ALK: variants seen among roughly 807,000 people sequenced by gnomAD.
ALK encodes the protein ALK receptor tyrosine kinase.
ALK carries 74 observed loss-of-function variants against 163.1 expected under a neutral mutation model. The ratio of observed to expected loss-of-function variants is 0.45; its 90% CI spans 0.38 to 0.55. The LOEUF is 0.55. Among genes scored for constraint, ALK ranks in the 20% least tolerant of loss-of-function variants. The pLI is 0.00. For missense variants in ALK, 2,063 were observed against 2,105.3 expected (o/e 0.98, Z 0.39); for synonymous variants, 960 against 843.2 (o/e 1.14, Z -2.40).
chr2:29,871,357 A>C (rs916696185), intron 1 of ALK, among the ~76,000 whole-genome samples: 19 of 152,182 alleles, frequency 1.2e-4, no homozygotes, highest in Admixed American at 3.3e-4. Context: ...ATCCTACTGG[A>C]CGGAATGTCC....
intron 3 of ALK, among the ~76,000 whole-genome samples, chr2:29,568,034 T>C (rs1674245197): frequency 6.6e-6 from 1 of 152,134 alleles, no homozygotes; most frequent in Admixed American, 6.5e-5. Context: ...TGCAGACAGT[T>C]TGGGTGAGAC....
chr2:29,488,617 G>A (rs56211504), intron 4 of ALK, among the ~76,000 whole-genome samples: 49,875 of 152,046 alleles, frequency 0.33, 9,852 homozygotes, highest in Non-Finnish European at 0.45. Flanking sequence ...GAAAAATGAT[G>A]TGTAGCATTC....
chr2:29,670,658 A>T lies in ALK; in HGVS notation c.952+24192T>A, dbSNP rs577214900. 2.0e-5 allele frequency among the ~76,000 whole-genome samples: 3 copies of T among 152,076 alleles called. No individual in the cohort carries two copies. In the East Asian group the frequency reaches 5.8e-4, roughly 29 times the overall value. On this transcript the variant is annotated intron_variant, in intron 3 of 28. Transcript: ENST00000389048. The stretch of plus-strand genomic sequence containing the variant: ...TAATTCTTAGATTTGGTCTTTGGAG[A>T]TAATTTTCTATATCTTACAGGCAAT...
chr2:29,583,045 T>TTTTTTG (rs994208295), intron 3 of ALK, among the ~76,000 whole-genome samples: 3 of 150,030 alleles, frequency 2.0e-5, no homozygotes, highest in Non-Finnish European at 3.0e-5. Flanking sequence ...GTTTTTTGTT[T>TTTTTTG]TTTTGTTTTT....
chr2:29,898,730 A>G (rs986576238), intron 1 of ALK, among the ~76,000 whole-genome samples: 1 of 152,192 alleles, frequency 6.6e-6, no homozygotes, highest in Non-Finnish European at 1.5e-5. Flanking sequence ...CTTTGGGTGT[A>G]CCCATTACAA....
At chr2:29,878,058 T>C (rs935281907) in intron 1 of ALK, among the ~76,000 whole-genome samples, 3 of 152,160 alleles carry the variant, frequency 2.0e-5, no homozygotes, top group South Asian at 2.1e-4. Context: ...GAGTAGAACA[T>C]TGTTTGATAA....
At chr2:29,257,126 A>G (rs184039606) in intron 11 of ALK, among the ~76,000 whole-genome samples, 9 of 152,200 alleles carry the variant, frequency 5.9e-5, no homozygotes, top group Non-Finnish European at 1.0e-4. Context: ...GAGCTGTAGG[A>G]TGATCAAATG....
intron 4 of ALK, among the ~76,000 whole-genome samples, chr2:29,444,397 G>T (rs989422395): frequency 4.6e-5 from 7 of 152,172 alleles, no homozygotes; most frequent in Non-Finnish European, 7.3e-5. Context: ...ATCATGAAAT[G>T]TTGGGAGCTA....
chr2:29,532,742 G>A (rs549176016), intron 3 of ALK, among the ~76,000 whole-genome samples: 1 of 152,264 alleles, frequency 6.6e-6, no homozygotes, highest in South Asian at 2.1e-4. Flanking sequence ...ACATTCATGG[G>A]GATTACTGTC....
chr2:29,483,234 A>T (rs1204661875), intron 4 of ALK, among the ~76,000 whole-genome samples: 2 of 152,242 alleles, frequency 1.3e-5, no homozygotes, highest in African/African-American at 4.8e-5. Flanking sequence ...CAATGGTGTT[A>T]AACCCTGTCT....
intron 11 of ALK, among the ~76,000 whole-genome samples, chr2:29,274,125 A>G (rs1001647600): frequency 2.6e-5 from 4 of 152,248 alleles, no homozygotes; most frequent in Non-Finnish European, 5.9e-5. Flanking sequence ...GCCCTGGGGC[A>G]GCTTTTCATG....
chr2:29,526,555 G>A (rs898967086), intron 4 of ALK, among the ~76,000 whole-genome samples: 2 of 152,188 alleles, frequency 1.3e-5, no homozygotes, highest in East Asian at 1.9e-4. Flanking sequence ...GACCATGGGG[G>A]AAAAGAGAGA....
At chr2:29,293,195 C>A (rs569074062) in intron 9 of ALK, among the ~76,000 whole-genome samples, 49 of 152,316 alleles carry the variant, frequency 3.2e-4, no homozygotes, top group African/African-American at 1.1e-3. Flanking sequence ...GCAATCATAT[C>A]TGTTTTGTCG....
chr2:29,350,926 A>T (rs1668093706), intron 5 of ALK, among the ~76,000 whole-genome samples: 1 of 152,156 alleles, frequency 6.6e-6, no homozygotes, highest in Admixed American at 6.5e-5. Context: ...TGGTTCTGGG[A>T]ACTGTTTTTG....
At chr2:29,643,638 T>C (rs1676784471) in intron 3 of ALK, among the ~76,000 whole-genome samples, 1 of 152,142 alleles carries the variant, frequency 6.6e-6, no homozygotes, top group Admixed American at 6.5e-5. Context: ...TTTATAACTG[T>C]GGCTCTGTCT....
chr2:29,588,047 G>A (rs1341890208), intron 3 of ALK, among the ~76,000 whole-genome samples: 5 of 152,046 alleles, frequency 3.3e-5, no homozygotes, highest in Non-Finnish European at 7.4e-5. Flanking sequence ...CCCCATCCTG[G>A]ACAGATTTAC....
chr2:29,518,307 C>A (rs570488950), intron 4 of ALK, among the ~76,000 whole-genome samples: 2 of 152,280 alleles, frequency 1.3e-5, no homozygotes, highest in East Asian at 1.9e-4. Flanking sequence ...GCAAAGCTGG[C>A]AGGCTACAGG....
intron 1 of ALK, among the ~76,000 whole-genome samples, chr2:29,773,584 ATAAAGT>A (rs1412997982): frequency 1.1e-4 from 17 of 152,334 alleles, no homozygotes; most frequent in African/African-American, 4.1e-4. Context: ...TTTCTTTAGC[ATAAAGT>A]TAAAGATTAT....
At chr2:29,514,366 T>G (rs1162936728) in intron 4 of ALK, among the ~76,000 whole-genome samples, 2 of 151,002 alleles carry the variant, frequency 1.3e-5, no homozygotes, top group African/African-American at 4.9e-5. Flanking sequence ...TGGATGAAAT[T>G]GGAAATCATC....
Sources: allele counts gnomAD v4.1 joint callset (sites outside exome capture counted in the v4.1 genomes callset), GRCh38; gene constraint gnomAD v4.1.1; transcripts MANE v1.5; gene names NCBI Gene and HGNC (gene_info 2026-07-23, HGNC 2026-07-21).